The following MAP3K5 variants were observed in gnomAD, a reference collection of about 807,000 sequenced individuals.
The protein encoded by MAP3K5 is ASK-1.
MAP3K5 carries 56 observed loss-of-function variants against 158.7 expected under a neutral mutation model. The ratio of observed to expected loss-of-function variants is 0.35; its 90% CI spans 0.28 to 0.44. The LOEUF (loss-of-function observed/expected upper bound fraction) is 0.44, where lower values mean the gene tolerates loss of function less well. MAP3K5 is among the 20% of genes least tolerant of loss of function. MAP3K5 has a pLI of 1.00. For synonymous variants in MAP3K5, 579 were observed against 601.7 expected (o/e 0.96, Z 0.55); for missense variants, 1,294 against 1,674.8 (o/e 0.77, Z 3.97).
intron 1 of MAP3K5, among the ~76,000 whole-genome samples, chr6:136,760,138 A>G (rs1369579439): frequency 6.6e-6 from 1 of 152,154 alleles, no homozygotes; most frequent in East Asian, 1.9e-4. Context: ...TCTTGTGGAG[A>G]GTGATAGAGT....
chr6:136,566,097 C>A (rs1774095691), intron 26 of MAP3K5, among the ~76,000 whole-genome samples: 1 of 152,070 alleles, frequency 6.6e-6, no homozygotes, highest in African/African-American at 2.4e-5. Flanking sequence ...GCCGGAAGCC[C>A]TCAGGGACTG....
chr6:136,679,486 T>C (rs954846133), intron 7 of MAP3K5, among the ~76,000 whole-genome samples: 6 of 152,184 alleles, frequency 3.9e-5, no homozygotes, highest in African/African-American at 1.2e-4. Flanking sequence ...ATAAAATAAC[T>C]CAGAAACAAA....
At position 136,605,167 on chromosome 6, in the gene MAP3K5, A is replaced by G. The variant is rs372627061; in HGVS notation, c.2679+42T>C. 6.3e-6 allele frequency: 10 copies of G among 1,594,224 alleles called. No individual in the cohort carries two copies. In the African/African-American group the frequency reaches 1.2e-4, roughly 19 times the overall value. On this transcript the variant is annotated intron_variant, in intron 19 of 29. Transcript: ENST00000359015. Reference sequence around the variant, plus strand: ...ACACACAGAACATCCAACAGCTATAAAAAGCTTTATCCATTTGTTTTTAAG... The same window carrying G: ...ACACACAGAACATCCAACAGCTATAGAAAGCTTTATCCATTTGTTTTTAAG...
rs1457291928 is a variant in MAP3K5 at position 136,792,320 on chromosome 6, C to A, written c.-163G>T. The A allele has an allele frequency of 3.9e-6, 4 of 1,030,852 alleles. No individual in the cohort carries two copies. Among genetic ancestry groups the A allele is most frequent in the Non-Finnish European group, 3.5e-6 (3 of 863,992 alleles). 63.9% of individuals were successfully genotyped at this position (1,030,852 alleles called of 1,614,324 possible). A position where few individuals can be genotyped will look rare whatever the true frequency, so the allele number is the denominator to read the frequency against. On this transcript the variant is annotated 5_prime_UTR_variant, in exon 1 of 30. Coordinates refer to ENST00000359015, the MANE Select transcript of MAP3K5 (RefSeq NM_005923.4). This position sits in a 1 kb window ranked among gnomAD's most constrained non-coding sequence, Gnocchi z 5.7. ...GCCTCCTCTCCGGCGCCCTCTCCCC[C>A]GAGGGCACGCCGCTGCCCGGCGGCG... is the stretch of plus-strand genomic sequence containing the variant.
intron 1 of MAP3K5, among the ~76,000 whole-genome samples, chr6:136,725,314 G>A (rs538479417): frequency 4.1e-4 from 62 of 152,250 alleles, no homozygotes; most frequent in African/African-American, 1.5e-3. Flanking sequence ...TTGCATTCCC[G>A]CCAGCAAAGT....
intron 15 of MAP3K5, among the ~76,000 whole-genome samples, chr6:136,617,549 C>T (rs528560592): frequency 2.6e-5 from 4 of 152,244 alleles, no homozygotes; most frequent in Admixed American, 2.6e-4. Context: ...AGGACCACCC[C>T]AGGATTTCTA....
intron 7 of MAP3K5, among the ~76,000 whole-genome samples, chr6:136,676,669 A>G (rs1464627906): frequency 6.6e-6 from 1 of 151,762 alleles, no homozygotes; most frequent in Non-Finnish European, 1.5e-5. Context: ...TAAAAAGCAT[A>G]TTGGCTTGAA....
At chr6:136,723,725 A>G (rs967459908) in intron 1 of MAP3K5, among the ~76,000 whole-genome samples, 1 of 152,230 alleles carries the variant, frequency 6.6e-6, no homozygotes, top group Admixed American at 6.5e-5. Context: ...GCATGAAATT[A>G]GCATTAAACT....
At chr6:136,756,869 C>T (rs1198619589) in intron 1 of MAP3K5, among the ~76,000 whole-genome samples, 1 of 152,204 alleles carries the variant, frequency 6.6e-6, no homozygotes, top group East Asian at 1.9e-4. Flanking sequence ...GTCTCCTTTT[C>T]CTCTTCCATC....
chr6:136,579,690 G>A, intron 25 of MAP3K5: 1 of 396,640 alleles, frequency 2.5e-6, no homozygotes, highest in South Asian at 1.9e-5. Context: ...ACCACTCTGT[G>A]GGGGACCTTG....
intron 2 of MAP3K5, among the ~76,000 whole-genome samples, chr6:136,706,078 T>A (rs926831471): frequency 1.3e-5 from 2 of 152,004 alleles, no homozygotes; most frequent in Non-Finnish European, 2.9e-5. Context: ...GCCAACATGG[T>A]GAAACTCCAT....
intron 1 of MAP3K5, among the ~76,000 whole-genome samples, chr6:136,729,166 A>G (rs1782099427): frequency 6.6e-6 from 1 of 152,252 alleles, no homozygotes; most frequent in Non-Finnish European, 1.5e-5. Flanking sequence ...CCACAGCTCA[A>G]TGCCAGGAGG....
At chr6:136,755,181 C>T (rs939177456) in intron 1 of MAP3K5, among the ~76,000 whole-genome samples, 2 of 152,108 alleles carry the variant, frequency 1.3e-5, no homozygotes, top group African/African-American at 4.8e-5. Flanking sequence ...GCTGAAAACC[C>T]TTCACTTTAG....
intron 1 of MAP3K5, among the ~76,000 whole-genome samples, chr6:136,751,073 T>C (rs1328500908): frequency 2.0e-5 from 3 of 151,926 alleles, no homozygotes; most frequent in South Asian, 2.1e-4. Context: ...CATCCCCGAG[T>C]AGCATTCTTT....
At chr6:136,729,066 T>C (rs1178066213) in intron 1 of MAP3K5, among the ~76,000 whole-genome samples, 1 of 151,952 alleles carries the variant, frequency 6.6e-6, no homozygotes, top group Non-Finnish European at 1.5e-5. Flanking sequence ...ACCCAGGCAA[T>C]AGCTGCAAGA....
Position 136,608,423 on chromosome 6 carries a change from C to T in MAP3K5, c.2521+2859G>A, listed in dbSNP as rs961530663. Among the ~76,000 whole-genome samples, 3 of 152,034 alleles carry T rather than the reference C, an allele frequency of 2.0e-5. No homozygotes were observed. The South Asian group carries it at 6.2e-4, about 32-fold the overall frequency. On this transcript the variant is annotated intron_variant, in intron 18 of 29. Coordinates refer to ENST00000359015, the MANE Select transcript of MAP3K5 (RefSeq NM_005923.4). ...GGAAGCCACCGAAAATGCAGGTGAG[C>T]GATGAGAGTGGCAGCAGCAGAGGTG...
At chr6:136,664,612 A>G (rs753888914) in intron 8 of MAP3K5, among the ~76,000 whole-genome samples, 7 of 152,174 alleles carry the variant, frequency 4.6e-5, no homozygotes, top group African/African-American at 7.2e-5. Context: ...AGAGAACTTT[A>G]GATCTTAAGA....
chr6:136,689,126 C>T lies in MAP3K5; in HGVS notation c.1253+5014G>A, dbSNP rs185538565. On this transcript the variant is annotated intron_variant, in intron 7 of 29. Coordinates refer to ENST00000359015, the MANE Select transcript of MAP3K5 (RefSeq NM_005923.4). ...ACCAACCTGGCCAACACAGCAAGACCGCATCTCTGCAAAAAATTCAAAAAT... is the reference window on the plus strand; with the variant it reads ...ACCAACCTGGCCAACACAGCAAGACTGCATCTCTGCAAAAAATTCAAAAAT... Among the ~76,000 whole-genome samples, 487 of 152,160 alleles carry T rather than the reference C, an allele frequency of 3.2e-3. 1 individual carries two copies. The highest frequency in any genetic ancestry group is 0.011 in the African/African-American group (442 of 41,518).
At chr6:136,790,071 T>A (rs1306593911) in intron 1 of MAP3K5, among the ~76,000 whole-genome samples, 1 of 152,144 alleles carries the variant, frequency 6.6e-6, no homozygotes, top group Non-Finnish European at 1.5e-5. Context: ...CTAGGGCCAG[T>A]TAGGGATCCC....
Sources: allele counts gnomAD v4.1 joint callset (sites outside exome capture counted in the v4.1 genomes callset), GRCh38; gene constraint gnomAD v4.1.1; non-coding constraint Gnocchi (gnomAD v3.1); transcripts MANE v1.5; gene names NCBI Gene and HGNC (gene_info 2026-07-23, HGNC 2026-07-21).